The following ARL6IP6 variants were observed in gnomAD, a reference collection of about 807,000 sequenced individuals.
ARL6IP6 encodes ADP-ribosylation factor-like protein 6-interacting protein 6.
Under a neutral mutation model 21.5 loss-of-function variants are expected in ARL6IP6, and 22 were observed. The observed-to-expected ratio is 1.02, with a 90% CI of 0.73 to 1.46. The LOEUF is 1.46. ARL6IP6 is among the 40% of genes most tolerant of loss of function. The pLI is 0.00. For missense variants in ARL6IP6, 388 were observed against 299.8 expected (o/e 1.29, Z -2.17); for synonymous variants, 164 against 125.3 (o/e 1.31, Z -2.06).
Position 152,734,983 on chromosome 2 carries a change from T to G in ARL6IP6, c.455-11T>G, listed in dbSNP as rs1388108188. On this transcript the variant is annotated splice_polypyrimidine_tract_variant and intron_variant, in intron 2 of 3. Coordinates refer to ENST00000326446, the MANE Select transcript of ARL6IP6 (RefSeq NM_152522.7). ...AATAATGTACTTTTTCCCCTCTCTT[T>G]TCCTGTTAAGGATTCTGGACTCTAC... 5.6e-6 allele frequency: 9 copies of G among 1,610,328 alleles called. No homozygotes were observed. The highest frequency in any genetic ancestry group is 7.6e-6 in the Non-Finnish European group (9 of 1,176,976).
chr2:152,728,403 C>T (rs1224723424), intron 2 of ARL6IP6, among the ~76,000 whole-genome samples: 1 of 152,036 alleles, frequency 6.6e-6, no homozygotes, highest in African/African-American at 2.4e-5. Context: ...CTGGTGTATT[C>T]TGATTATATA....
chr2:152,718,674 C>T lies in ARL6IP6; in HGVS notation c.50C>T (p.Pro17Leu). The T allele has an allele frequency of 6.3e-7, 1 of 1,575,898 alleles. No individual in the cohort carries two copies. Among genetic ancestry groups the T allele is most frequent in the Non-Finnish European group, 8.6e-7 (1 of 1,160,414 alleles). Reference protein sequence around the residue: ...GWRSALRRRGPGTPGPVARPS... With the variant: ...GWRSALRRRGLGTPGPVARPS... ...CGGTCGGCTCTGCGGCGCCGCGGTC[C>T]CGGCACCCCGGGCCCTGTGGCTCGG... Residue 17 changes from proline (P) to leucine (L), a missense_variant, in exon 1 of 4, where the codon CCC (proline) becomes CTC (leucine). Physicochemically the swap from Pro to Leu is moderately conservative, Grantham distance 98. Coordinates refer to ENST00000326446, the MANE Select transcript of ARL6IP6 (RefSeq NM_152522.7).
At chr2:152,749,780 C>G (rs1701233628) in intron 3 of ARL6IP6, among the ~76,000 whole-genome samples, 1 of 152,104 alleles carries the variant, frequency 6.6e-6, no homozygotes, top group Non-Finnish European at 1.5e-5. Context: ...ATAAGTACTT[C>G]ATTGTAGAAT....
chr2:152,757,095 C>T (rs763870682), intron 3 of ARL6IP6, among the ~76,000 whole-genome samples: 1 of 152,112 alleles, frequency 6.6e-6, no homozygotes, highest in Non-Finnish European at 1.5e-5. Context: ...ATGAATCTCA[C>T]AAAGACAGTA....
At chr2:152,732,163 G>A (rs1700346871) in intron 2 of ARL6IP6, among the ~76,000 whole-genome samples, 1 of 151,586 alleles carries the variant, frequency 6.6e-6, no homozygotes, top group South Asian at 2.1e-4. Flanking sequence ...ATATAAAATT[G>A]TATATTATAA....
At chr2:152,718,493 T>C (rs1168371657), upstream of ARL6IP6, 1 of 1,327,080 alleles carries the variant, frequency 7.5e-7, no homozygotes, top group Non-Finnish European at 1.0e-6. Context: ...CGCCCACCCT[T>C]GCTCTCCGTG....
rs375831473 is a variant in ARL6IP6 at position 152,737,170 on chromosome 2, A to G, written c.587+2044A>G. ...CTACTGCACCCTATATTGTAGTCAC[A>G]TACCAGATTAGCTTGACATCCCCCT... On this transcript the variant is annotated intron_variant, in intron 3 of 3. Coordinates refer to ENST00000326446, the MANE Select transcript of ARL6IP6 (RefSeq NM_152522.7). Among the ~76,000 whole-genome samples the G allele has an allele frequency of 3.3e-5, 5 of 152,314 alleles. No homozygotes were observed. In the East Asian group the frequency reaches 9.7e-4, roughly 29 times the overall value.
chr2:152,736,548 T>C (rs1700559566), intron 3 of ARL6IP6, among the ~76,000 whole-genome samples: 1 of 152,186 alleles, frequency 6.6e-6, no homozygotes, highest in South Asian at 2.1e-4. Context: ...TAAATGTCAT[T>C]AGAATGCTTC....
At chr2:152,740,810 A>G (rs2105146430) in intron 3 of ARL6IP6, among the ~76,000 whole-genome samples, 1 of 152,248 alleles carries the variant, frequency 6.6e-6, no homozygotes, top group South Asian at 2.1e-4. Flanking sequence ...AATGATATAT[A>G]TACCCAAATA....
intron 2 of ARL6IP6, among the ~76,000 whole-genome samples, chr2:152,729,367 CAT>C: frequency 1.4e-5 from 2 of 144,908 alleles, no homozygotes; most frequent in African/African-American, 5.6e-5. Flanking sequence ...TGTGTACACA[CAT>C]ATATGCACAC....
upstream of ARL6IP6, chr2:152,717,838 C>T (rs1391104694): frequency 6.4e-6 from 7 of 1,102,178 alleles, no homozygotes; most frequent in African/African-American, 1.2e-4. Context: ...AACCTGAGGC[C>T]GCCAGGGGTA....
intron 1 of ARL6IP6, chr2:152,719,773 A>C: frequency 6.8e-6 from 2 of 294,500 alleles, no homozygotes; most frequent in Non-Finnish European, 1.4e-5. Flanking sequence ...AAAAAAAAAA[A>C]ACAAAAGAAC....
At chr2:152,756,804 TAAACTC>T (rs938310181) in intron 3 of ARL6IP6, among the ~76,000 whole-genome samples, 1 of 152,182 alleles carries the variant, frequency 6.6e-6, no homozygotes, top group Admixed American at 6.5e-5. Context: ...TGGAACAACT[TAAACTC>T]ATACGTTGAT....
At chr2:152,717,665 C>T (rs1420133763), upstream of ARL6IP6, 3 of 1,416,880 alleles carry the variant, frequency 2.1e-6, no homozygotes, top group African/African-American at 3.0e-5. Context: ...GAGGAAGTTT[C>T]TGCGCCGAGT....
chr2:152,725,650 CAAAA>C (rs199555084), intron 2 of ARL6IP6, among the ~76,000 whole-genome samples: 4 of 136,760 alleles, frequency 2.9e-5, no homozygotes, highest in Non-Finnish European at 6.4e-5. Context: ...GACGCAAGTG[CAAAA>C]AAAAAAAGCA....
chr2:152,725,959 TATATG>T (rs774993386), intron 2 of ARL6IP6, among the ~76,000 whole-genome samples: 31 of 148,444 alleles, frequency 2.1e-4, no homozygotes, highest in Non-Finnish European at 3.9e-4. Flanking sequence ...TCTTTGGACT[TATATG>T]ATAAAAATAT....
At chr2:152,757,920 C>T (rs924169961) in intron 3 of ARL6IP6, among the ~76,000 whole-genome samples, 2 of 152,150 alleles carry the variant, frequency 1.3e-5, no homozygotes, top group African/African-American at 2.4e-5. Flanking sequence ...TTGTAGTTGT[C>T]GGCTTAGTAA....
chr2:152,720,964 C>A (rs2105083696), intron 2 of ARL6IP6, among the ~76,000 whole-genome samples: 1 of 152,232 alleles, frequency 6.6e-6, no homozygotes, highest in Non-Finnish European at 1.5e-5. Context: ...TGGTTTCACT[C>A]ATGTTTGTAG....
At chr2:152,743,890 C>G (rs1043874788) in intron 3 of ARL6IP6, among the ~76,000 whole-genome samples, 2 of 152,154 alleles carry the variant, frequency 1.3e-5, no homozygotes, top group African/African-American at 4.8e-5. Context: ...ATAATTTTCT[C>G]TCTGTTTTGA....
Sources: gnomAD v4.1 joint callset for allele counts (sites outside exome capture counted in the v4.1 genomes callset) on GRCh38, gnomAD v4.1.1 for gene constraint, MANE v1.5 for transcripts, NCBI Gene and HGNC (gene_info 2026-07-23, HGNC 2026-07-21) for gene names.